Variants in RERE observed in about 807,000 individuals in gnomAD.
The protein encoded by RERE is arginine-glutamic acid dipeptide repeats.
RERE carries 40 observed loss-of-function variants against 146.1 expected under a neutral mutation model. The ratio of observed to expected loss-of-function variants is 0.27; its 90% CI spans 0.21 to 0.36. RERE has a LOEUF of 0.36. Among genes scored for constraint, RERE ranks in the 10% least tolerant of loss-of-function variants. The pLI is 1.00. For missense variants in RERE, 1,933 were observed against 2,138.7 expected, an observed-to-expected ratio of 0.90 and a Z score of 1.90; for synonymous variants, 1,003 against 866.0, an observed-to-expected ratio of 1.16 and a Z score of -2.78.
chr1:8,793,054 G>C (rs1641392326), intron 1 of RERE, among the ~76,000 whole-genome samples: 1 of 151,602 alleles, frequency 6.6e-6, no homozygotes, highest in Non-Finnish European at 1.5e-5. Context: ...CTACTTTGGA[G>C]GCCGAGGCAG....
At chr1:8,522,873 CAAAAAAAA>C (rs375276358) in intron 7 of RERE, among the ~76,000 whole-genome samples, 1 of 127,562 alleles carries the variant, frequency 7.8e-6, no homozygotes, top group East Asian at 2.3e-4. Flanking sequence ...GACTCCGTCT[CAAAAAAAA>C]AAAAAGAATG....
intron 2 of RERE, among the ~76,000 whole-genome samples, chr1:8,654,824 T>TG (rs1009781958): frequency 6.6e-6 from 1 of 151,876 alleles, no homozygotes; most frequent in Non-Finnish European, 1.5e-5. Context: ...TTTGTAAAGA[T>TG]GGGGGTCTCA....
intron 7 of RERE, among the ~76,000 whole-genome samples, chr1:8,529,111 T>C (rs926627532): frequency 6.6e-6 from 1 of 152,124 alleles, no homozygotes; most frequent in South Asian, 2.1e-4. Flanking sequence ...AAAGCAAATA[T>C]GGCAAAATAC....
At chr1:8,575,213 C>T (rs574537548) in intron 4 of RERE, among the ~76,000 whole-genome samples, 36 of 152,150 alleles carry the variant, frequency 2.4e-4, no homozygotes, top group Non-Finnish European at 4.4e-4. Context: ...AGAATCAACA[C>T]ATAATGTTAG....
At chr1:8,725,484 T>G (rs1051811186) in intron 1 of RERE, among the ~76,000 whole-genome samples, 1 of 152,168 alleles carries the variant, frequency 6.6e-6, no homozygotes, top group African/African-American at 2.4e-5. Context: ...GAGAATTGCT[T>G]GAACCCGGGA....
chr1:8,715,916 G>C (rs80066787), intron 1 of RERE, among the ~76,000 whole-genome samples: 1 of 151,886 alleles, frequency 6.6e-6, no homozygotes, highest in Non-Finnish European at 1.5e-5. Context: ...CGGGACGGGC[G>C]GGGAAGAGAT....
rs763441945 is a variant in RERE at position 8,365,974 on chromosome 1, C to T, written c.1285G>A (p.Gly429Arg). Residue 429 changes from glycine to arginine, a missense_variant and splice_region_variant, in exon 13 of 23, where the codon GGG (glycine) becomes AGG (arginine). Gly to Arg is a moderately radical substitution (Grantham distance 125, BLOSUM62 -2). Coordinates refer to ENST00000400908, the MANE Select transcript of RERE (RefSeq NM_001042681.2). ...TAGTAATAGAAGGTGATCAGCTCCCCCTGCAGAAGAGAAGGGCTGACTGTG... is the reference window on the plus strand; with the variant it reads ...TAGTAATAGAAGGTGATCAGCTCCCTCTGCAGAAGAGAAGGGCTGACTGTG... ...RKELLPNKET[G>R]ELITFYYYWK... 2 of 1,612,898 alleles carry T rather than the reference C, an allele frequency of 1.2e-6. No homozygotes were observed. The highest frequency in any genetic ancestry group is 1.7e-6 in the Non-Finnish European group (2 of 1,179,826).
chr1:8,465,498 G>A (rs1570282231), intron 11 of RERE: 2 of 346,264 alleles, frequency 5.8e-6, no homozygotes, highest in East Asian at 1.5e-4. Context: ...ACCAGCCTGA[G>A]CAACACGGCA....
At chr1:8,438,171 T>C (rs1165019010) in intron 11 of RERE, among the ~76,000 whole-genome samples, 1 of 152,140 alleles carries the variant, frequency 6.6e-6, no homozygotes, top group Non-Finnish European at 1.5e-5. Flanking sequence ...TATTTTTTTG[T>C]AGAGACGGGG....
At chr1:8,575,379 T>A (rs1055276990) in intron 4 of RERE, among the ~76,000 whole-genome samples, 1 of 146,084 alleles carries the variant, frequency 6.8e-6, no homozygotes, top group African/African-American at 2.6e-5. Flanking sequence ...ATGAAAAAAG[T>A]AACCTTTTTT....
chr1:8,358,007 G>A (rs1570019406), intron 20 of RERE, among the ~76,000 whole-genome samples, 189 bp downstream of exon 20: 3 of 152,250 alleles, frequency 2.0e-5, no homozygotes, highest in Admixed American at 2.0e-4. Flanking sequence ...GGAGAGCTGC[G>A]GGGCCGAGGA....
At chr1:8,411,476 G>A (rs968426117) in intron 12 of RERE, among the ~76,000 whole-genome samples, 1 of 152,094 alleles carries the variant, frequency 6.6e-6, no homozygotes, top group African/African-American at 2.4e-5. Flanking sequence ...ATCCACCCCA[G>A]AGGACAGGAC....
chr1:8,577,367 C>A (rs1160340333), intron 4 of RERE, among the ~76,000 whole-genome samples: 3 of 152,008 alleles, frequency 2.0e-5, no homozygotes, highest in Non-Finnish European at 4.4e-5. Flanking sequence ...ATGTAGCTAG[C>A]CTTCCAGTGG....
intron 10 of RERE, among the ~76,000 whole-genome samples, chr1:8,484,577 C>T (rs1292461447): frequency 3.9e-5 from 6 of 152,102 alleles, no homozygotes; most frequent in African/African-American, 7.2e-5. Flanking sequence ...GCGCCACCAT[C>T]ACGTCCAGCT....
chr1:8,501,959 G>A (rs1570352209), intron 8 of RERE, among the ~76,000 whole-genome samples: 3 of 105,752 alleles, frequency 2.8e-5, no homozygotes, highest in African/African-American at 1.1e-4. Flanking sequence ...CCCCCGCCCG[G>A]CCAGCCGCCC....
chr1:8,774,572 T>G (rs1412781288), intron 1 of RERE, among the ~76,000 whole-genome samples: 1 of 151,982 alleles, frequency 6.6e-6, no homozygotes, highest in Non-Finnish European at 1.5e-5. Context: ...CAGGCTGGTC[T>G]TGAACTCCCA....
intron 7 of RERE, chr1:8,526,051 G>T (rs1557672501): frequency 8.3e-7 from 1 of 1,210,066 alleles, no homozygotes; most frequent in Non-Finnish European, 1.0e-6. Flanking sequence ...CAACCCTGCT[G>T]TTTCCGTAAA....
chr1:8,593,350 G>A (rs1646516934), intron 4 of RERE, among the ~76,000 whole-genome samples: 1 of 152,162 alleles, frequency 6.6e-6, no homozygotes, highest in African/African-American at 2.4e-5. Context: ...GAGCCAGTGG[G>A]AGGTGACTGA....
chr1:8,386,018 A>ATTTTT (rs1428623957), intron 12 of RERE, among the ~76,000 whole-genome samples: 4 of 41,912 alleles, frequency 9.5e-5, no homozygotes, highest in Admixed American at 3.6e-4. Context: ...ATATATATAT[A>ATTTTT]TATATTTTTT....
Sources: allele counts gnomAD v4.1 joint callset (sites outside exome capture counted in the v4.1 genomes callset), GRCh38; gene constraint gnomAD v4.1.1; transcripts MANE v1.5; gene names NCBI Gene and HGNC (gene_info 2026-07-23, HGNC 2026-07-21).